SLAMF8: variants seen among roughly 807,000 people sequenced by gnomAD.
The protein encoded by SLAMF8 is B lymphocyte activator macrophage expressed.
A neutral mutation model predicts 29.0 loss-of-function variants in SLAMF8; 23 were observed. That is an observed-to-expected ratio of 0.79 (90% CI 0.57 to 1.13). SLAMF8 has a LOEUF of 1.13. Among genes scored for constraint, SLAMF8 ranks in the 50% most tolerant of loss-of-function variants. The pLI, the probability that SLAMF8 is intolerant of heterozygous loss-of-function variation, is 0.00. For missense variants in SLAMF8, 381 were observed against 353.1 expected, an observed-to-expected ratio of 1.08 and a Z score of -0.63; for synonymous variants, 139 against 145.6, an observed-to-expected ratio of 0.96 and a Z score of 0.32.
At position 159,835,966 on chromosome 1, in the gene SLAMF8, T is replaced by C. The variant is rs1252063419; in HGVS notation, c.*706T>C. On this transcript the variant is annotated 3_prime_UTR_variant, in exon 5 of 5. Transcript: ENST00000289707. ...CGTTTTGCAGGAAACACCATATTAA[T>C]AGACATCCTCACCATCTCCATCCGC... The C allele has an allele frequency of 3.0e-6, 3 of 985,344 alleles. No homozygotes were observed. Among genetic ancestry groups the C allele is most frequent in the Admixed American group, 1.2e-4 (2 of 16,268 alleles). 61.0% of individuals were successfully genotyped at this position (985,344 alleles called of 1,614,324 possible).
intron 1 of SLAMF8, among the ~76,000 whole-genome samples, 176 bp downstream of exon 1, chr1:159,827,114 G>C (rs1411600529): frequency 2.6e-5 from 4 of 152,202 alleles, no homozygotes; most frequent in African/African-American, 9.6e-5. Flanking sequence ...CAGATACAAA[G>C]AGATGCAGGG....
At chr1:159,829,239 C>T (rs538760418) in intron 1 of SLAMF8, among the ~76,000 whole-genome samples, 2 of 152,324 alleles carry the variant, frequency 1.3e-5, no homozygotes, top group Admixed American at 6.5e-5. Context: ...TGCATCTAAT[C>T]CTGTTACGCT....
chr1:159,835,108 G>T, intron 4 of SLAMF8, 76 bp from the exon 5 acceptor site: 3 of 1,373,134 alleles, frequency 2.2e-6, no homozygotes. Context: ...TGAGGATTCA[G>T]AGGCCTGCAG....
rs371616421 is a variant in SLAMF8 at position 159,829,962 on chromosome 1, G to A, written c.137G>A (p.Arg46His). The A allele has an allele frequency of 9.1e-5, 147 of 1,614,266 alleles. No individual in the cohort carries two copies. The highest frequency in any genetic ancestry group is 7.5e-4 in the Admixed American group (45 of 60,036). Residue 46 changes from arginine (R) to histidine (H), a missense_variant, in exon 2 of 5, where the codon CGT (arginine) becomes CAT (histidine). By Grantham distance (29) the Arg-to-His change is conservative. Transcript: ENST00000289707. ...VAARPPGFQVREAIWRSLWPS... is the reference protein window; with the variant it reads ...VAARPPGFQVHEAIWRSLWPS... ...GCGCGTCCCCCTGGCTTCCAAGTCC[G>A]TGAGGCTATCTGGCGATCTCTCTGG...
rs967106692 is a variant in SLAMF8 at position 159,836,583 on chromosome 1, G to A, written c.*1323G>A. 6.1e-6 allele frequency: 6 copies of A among 985,386 alleles called. No homozygotes were observed. Among genetic ancestry groups the A allele is most frequent in the Admixed American group, 1.2e-4 (2 of 16,292 alleles). 61.0% of individuals were successfully genotyped at this position (985,386 alleles called of 1,614,324 possible). A position where few individuals can be genotyped will look rare whatever the true frequency, so the allele number is the denominator to read the frequency against. On this transcript the variant is annotated 3_prime_UTR_variant, in exon 5 of 5. Transcript: ENST00000289707. ...AAGAGGTATTGAAGAAACAGGGGTG[G>A]GTTTGAAGTACTATTTTCCCAGGGT...
intron 1 of SLAMF8, among the ~76,000 whole-genome samples, chr1:159,827,248 G>T (rs1280637716): frequency 6.6e-6 from 1 of 152,162 alleles, no homozygotes; most frequent in African/African-American, 2.4e-5. Context: ...GAGAAAGTCG[G>T]CTGTGAGAAT....
chr1:159,831,571 C>T (rs923755020), intron 2 of SLAMF8, among the ~76,000 whole-genome samples: 21 of 152,028 alleles, frequency 1.4e-4, no homozygotes, highest in African/African-American at 2.2e-4. Flanking sequence ...TCTCAGCTGC[C>T]GCACATGTGA....
Position 159,833,083 on chromosome 1 carries a change from C to T in SLAMF8, c.575C>T (p.Pro192Leu), listed in dbSNP as rs1255073357. 2 of 1,614,210 alleles carry T rather than the reference C, an allele frequency of 1.2e-6. No individual in the cohort carries two copies. The highest frequency in any genetic ancestry group is 3.3e-5 in the Admixed American group (2 of 60,020). ...DGQVLSISLG[P>L]GDRDVAYSCI... The stretch of plus-strand genomic sequence containing the variant: ...CAGGTGCTGAGCATTTCCCTGGGAC[C>T]AGGAGACAGAGATGTGGCCTATTCC... Residue 192 changes from proline to leucine, a missense_variant, in exon 3 of 5, where the codon CCA (proline) becomes CTA (leucine). By Grantham distance (98) the Pro-to-Leu change is moderately conservative. Coordinates refer to ENST00000289707, the MANE Select transcript of SLAMF8 (RefSeq NM_020125.3).
intron 1 of SLAMF8, 86 bp downstream of exon 1, chr1:159,827,024 C>A: frequency 6.5e-7 from 1 of 1,550,184 alleles, no homozygotes; most frequent in Non-Finnish European, 8.9e-7. Context: ...GCAGGGATCC[C>A]TCGACCTGGG....
intron 2 of SLAMF8, among the ~76,000 whole-genome samples, chr1:159,832,175 C>T (rs1647531088): frequency 6.6e-6 from 1 of 152,204 alleles, no homozygotes; most frequent in South Asian, 2.1e-4. Context: ...TTTGCCAGCA[C>T]TACAGAGCTA....
chr1:159,831,864 T>C (rs1211492408), intron 2 of SLAMF8, among the ~76,000 whole-genome samples: 1 of 152,264 alleles, frequency 6.6e-6, no homozygotes, highest in South Asian at 2.1e-4. Flanking sequence ...GCTTGTCCTC[T>C]TAAGTGATGT....
intron 1 of SLAMF8, 38 bp from the exon 2 acceptor site, chr1:159,829,828 T>C: frequency 6.4e-7 from 1 of 1,558,010 alleles, no homozygotes; most frequent in Non-Finnish European, 8.7e-7. Flanking sequence ...ATGAGGAGTG[T>C]GGGGCAGGCA....
Position 159,830,015 on chromosome 1 carries a change from T to C in SLAMF8, c.190T>C (p.Phe64Leu). ...TTCAGAAGAGCTCCTGGCCACGTTT[T>C]TCCGAGGCTCCCTGGAGACTCTGTA... ...WPSEELLATF[F>L]RGSLETLYHS... Residue 64 changes from phenylalanine (F) to leucine (L), a missense_variant, in exon 2 of 5, where the codon TTC becomes CTC. Phe to Leu is a conservative substitution (Grantham distance 22). Coordinates refer to ENST00000289707, the MANE Select transcript of SLAMF8 (RefSeq NM_020125.3). 1 of 1,614,230 alleles carries C rather than the reference T, an allele frequency of 6.2e-7. No homozygotes were observed. The highest frequency in any genetic ancestry group is 8.5e-7 in the Non-Finnish European group (1 of 1,180,034).
chr1:159,835,079 T>G, intron 4 of SLAMF8, 105 bp from the exon 5 acceptor site: 1 of 1,016,118 alleles, frequency 9.8e-7, no homozygotes, highest in Non-Finnish European at 1.5e-6. Flanking sequence ...TTACCTAAGG[T>G]GACCTTGGGC....
chr1:159,834,864 G>A (rs1398633541), intron 4 of SLAMF8: 7 of 261,354 alleles, frequency 2.7e-5, no homozygotes, highest in Non-Finnish European at 4.4e-5. Context: ...AAAGCTCCAT[G>A]CAGGGAGTCC....
Position 159,835,419 on chromosome 1 carries a change from A to G in SLAMF8, c.*159A>G, listed in dbSNP as rs1020082614. On this transcript the variant is annotated 3_prime_UTR_variant, in exon 5 of 5. Coordinates refer to ENST00000289707, the MANE Select transcript of SLAMF8 (RefSeq NM_020125.3). ...GAGCAGCCTGGGCAGCCATCACACC[A>G]CGAGGACAGGAAGCACCAGCACGTT... is the stretch of plus-strand genomic sequence containing the variant. The G allele has an allele frequency of 1.4e-6, 2 of 1,401,510 alleles. No homozygotes were observed. Among genetic ancestry groups the G allele is most frequent in the Non-Finnish European group, 1.9e-6 (2 of 1,078,726 alleles). 86.8% of individuals were successfully genotyped at this position (1,401,510 alleles called of 1,614,324 possible).
chr1:159,829,765 C>A, intron 1 of SLAMF8, 101 bp from the exon 2 acceptor site: 1 of 1,271,234 alleles, frequency 7.9e-7, no homozygotes, highest in Non-Finnish European at 1.1e-6. Context: ...GAGGGAATGT[C>A]AGTGGAGGGG....
chr1:159,834,147 G>C (rs1647718372), intron 4 of SLAMF8, among the ~76,000 whole-genome samples: 1 of 152,220 alleles, frequency 6.6e-6, no homozygotes, highest in Non-Finnish European at 1.5e-5. Flanking sequence ...GACTGACCAG[G>C]GCTCCGTGGT....
intron 2 of SLAMF8, among the ~76,000 whole-genome samples, 196 bp from the exon 3 acceptor site, chr1:159,832,680 G>A (rs1254984443): frequency 2.0e-5 from 3 of 152,218 alleles, no homozygotes; most frequent in Non-Finnish European, 2.9e-5. Flanking sequence ...GGCATGAATC[G>A]TTTCCTGAAA....
Sources: gnomAD v4.1 joint callset for allele counts (sites outside exome capture counted in the v4.1 genomes callset) on GRCh38, gnomAD v4.1.1 for gene constraint, MANE v1.5 for transcripts, NCBI Gene and HGNC (gene_info 2026-07-23, HGNC 2026-07-21) for gene names.